Variants in CHAF1B observed in about 807,000 individuals in gnomAD.
CHAF1B encodes the protein chromatin assembly factor 1 subunit B.
In CHAF1B, 10 loss-of-function variants were observed where a neutral mutation model predicts 60.7. The observed-to-expected ratio is 0.16, with a 90% CI of 0.10 to 0.28. The LOEUF (loss-of-function observed/expected upper bound fraction) is 0.28. Ranked by LOEUF, CHAF1B falls within the 10% of genes least tolerant of loss-of-function variation. CHAF1B has a pLI of 1.00. For missense variants in CHAF1B, 558 were observed against 708.4 expected (o/e 0.79, Z 2.41); for synonymous variants, 261 against 266.1 (o/e 0.98, Z 0.19).
intron 8 of CHAF1B, among the ~76,000 whole-genome samples, chr21:36,404,382 A>G (rs1377605741): frequency 6.8e-6 from 1 of 147,810 alleles, no homozygotes; most frequent in Non-Finnish European, 1.5e-5. Context: ...TACAGGCTTG[A>G]GCCACCACGC....
intron 3 of CHAF1B, among the ~76,000 whole-genome samples, chr21:36,388,156 C>G (rs900350185): frequency 6.6e-6 from 1 of 151,992 alleles, no homozygotes; most frequent in Admixed American, 6.6e-5. Context: ...GTGGCTGACC[C>G]TCTCAATCTG....
intron 11 of CHAF1B, among the ~76,000 whole-genome samples, chr21:36,412,487 A>G (rs1441491868): frequency 2.0e-5 from 3 of 151,914 alleles, no homozygotes; most frequent in African/African-American, 7.3e-5. Context: ...AGCCTCCCGA[A>G]TAGCTGGGAT....
intron 11 of CHAF1B, 119 bp downstream of exon 11, chr21:36,411,723 AT>A: frequency 8.3e-7 from 1 of 1,199,494 alleles, no homozygotes; most frequent in South Asian, 1.5e-5. Context: ...ATATTCACCA[AT>A]TTTGTTTCTT....
chr21:36,394,175 C>G (rs534352735), intron 4 of CHAF1B, among the ~76,000 whole-genome samples: 85 of 151,596 alleles, frequency 5.6e-4, no homozygotes, highest in African/African-American at 2.0e-3. Context: ...CTCCCAGGTT[C>G]AAGTGATTCC....
At position 36,391,543 on chromosome 21, in the gene CHAF1B, C is replaced by T. The variant is rs368616207; in HGVS notation, c.260-8C>T. On this transcript the variant is annotated splice_polypyrimidine_tract_variant and splice_region_variant and intron_variant, in intron 3 of 13. Coordinates refer to ENST00000314103, the MANE Select transcript of CHAF1B (RefSeq NM_005441.3). ...AGCGTGGATCACTGTTACTGAATCA[C>T]CCTGCAGATGCTGTCATCCTATTGT... 1 of 1,553,172 alleles carries T rather than the reference C, an allele frequency of 6.4e-7. No homozygotes were observed. Among genetic ancestry groups the T allele is most frequent in the South Asian group, 1.1e-5 (1 of 89,788 alleles).
At chr21:36,409,855 GTTTT>G (rs1005313002) in intron 10 of CHAF1B, among the ~76,000 whole-genome samples, 1 of 133,998 alleles carries the variant, frequency 7.5e-6, no homozygotes, top group East Asian at 2.1e-4. Context: ...ATACATGTCA[GTTTT>G]TTTTTTTTTT....
At chr21:36,397,690 G>T in intron 6 of CHAF1B, 179 bp downstream of exon 6, 1 of 357,624 alleles carries the variant, frequency 2.8e-6, no homozygotes, top group Non-Finnish European at 5.0e-6. Context: ...TAGGACAAGT[G>T]CCTTACACGA....
intron 7 of CHAF1B, among the ~76,000 whole-genome samples, chr21:36,400,394 C>T (rs140294912): frequency 0.02 from 3,075 of 152,188 alleles, 112 homozygotes; most frequent in African/African-American, 0.071. Flanking sequence ...TTGCTTGAAC[C>T]TGGGAGGTGG....
At chr21:36,411,889 T>C (rs537402126) in intron 11 of CHAF1B, among the ~76,000 whole-genome samples, 15 of 152,216 alleles carry the variant, frequency 9.9e-5, no homozygotes, top group African/African-American at 2.6e-4. Flanking sequence ...CCACTACGCC[T>C]GGCTAATTCT....
intron 10 of CHAF1B, among the ~76,000 whole-genome samples, chr21:36,410,302 C>T (rs949225630): frequency 2.0e-5 from 3 of 152,076 alleles, no homozygotes; most frequent in Non-Finnish European, 4.4e-5. Context: ...CATTGAACTT[C>T]GTAGATCTAT....
chr21:36,409,089 A>G (rs540338213), intron 9 of CHAF1B, among the ~76,000 whole-genome samples: 20 of 151,630 alleles, frequency 1.3e-4, no homozygotes, highest in African/African-American at 4.1e-4. Flanking sequence ...TGCTGACCTC[A>G]AGTGGTCCGC....
chr21:36,392,999 T>C (rs1250587478), intron 4 of CHAF1B, among the ~76,000 whole-genome samples: 1 of 152,036 alleles, frequency 6.6e-6, no homozygotes. Context: ...CACTCGCGAT[T>C]AGGAGCTGGA....
At chr21:36,415,464 C>A in intron 13 of CHAF1B, 75 bp downstream of exon 13, 2 of 1,039,346 alleles carry the variant, frequency 1.9e-6, no homozygotes, top group Non-Finnish European at 3.0e-6. Context: ...GAAATTAATG[C>A]CGCCTAATTT....
At chr21:36,389,546 A>C (rs1427478807) in intron 3 of CHAF1B, among the ~76,000 whole-genome samples, 2 of 150,942 alleles carry the variant, frequency 1.3e-5, no homozygotes, top group Non-Finnish European at 2.9e-5. Context: ...TGGAAGTTGC[A>C]CTGAGCCAAG....
At chr21:36,388,625 C>T (rs1411017395) in intron 3 of CHAF1B, among the ~76,000 whole-genome samples, 1 of 152,006 alleles carries the variant, frequency 6.6e-6, no homozygotes, top group Non-Finnish European at 1.5e-5. Context: ...TGCCACCACC[C>T]CCGGCTAATT....
intron 4 of CHAF1B, among the ~76,000 whole-genome samples, chr21:36,393,457 T>A (rs1413341349): frequency 1.3e-5 from 2 of 149,922 alleles, no homozygotes; most frequent in African/African-American, 2.4e-5. Flanking sequence ...TTTTTTTTTT[T>A]TTTTTTTTTT....
At chr21:36,390,053 G>T (rs559255958) in intron 3 of CHAF1B, among the ~76,000 whole-genome samples, 1 of 152,096 alleles carries the variant, frequency 6.6e-6, no homozygotes, top group Non-Finnish European at 1.5e-5. Flanking sequence ...GGGAATGCAG[G>T]CTGGGTGCGG....
chr21:36,413,482 G>C (rs1369014639), intron 12 of CHAF1B, among the ~76,000 whole-genome samples, 167 bp downstream of exon 12: 1 of 152,180 alleles, frequency 6.6e-6, no homozygotes, highest in East Asian at 1.9e-4. Context: ...CTTGCATATA[G>C]GCCTCTGTTT....
chr21:36,387,467 C>T (rs1250349031), intron 2 of CHAF1B, 131 bp from the exon 3 acceptor site: 2 of 1,093,000 alleles, frequency 1.8e-6, no homozygotes, highest in East Asian at 4.8e-5. Context: ...GTGATTTACC[C>T]ACCTTGGCCT....
Sources: gnomAD v4.1 joint callset for allele counts (sites outside exome capture counted in the v4.1 genomes callset) on GRCh38, gnomAD v4.1.1 for gene constraint, MANE v1.5 for transcripts, NCBI Gene and HGNC (gene_info 2026-07-23, HGNC 2026-07-21) for gene names.